The following KCNMA1 variants were observed in gnomAD, a reference collection of about 807,000 sequenced individuals.
KCNMA1 encodes the protein Calcium-activated potassium channel subunit alpha-1.
KCNMA1 carries 29 observed loss-of-function variants against 140.0 expected under a neutral mutation model. That is an observed-to-expected ratio of 0.21 (90% CI 0.15 to 0.28). The LOEUF (loss-of-function observed/expected upper bound fraction) is 0.28. Among genes scored for constraint, KCNMA1 ranks in the 10% least tolerant of loss-of-function variants. The probability of loss-of-function intolerance (pLI) is 1.00; values close to 1 mark genes in which losing one functional copy is unlikely to be tolerated. For synonymous variants in KCNMA1, 612 were observed against 611.9 expected, an observed-to-expected ratio of 1.00 and a Z score of 0.00; for missense variants, 880 against 1,602.2, an observed-to-expected ratio of 0.55 and a Z score of 7.70.
intron 1 of KCNMA1, among the ~76,000 whole-genome samples, chr10:77,491,734 C>CACAT (rs2039968294): frequency 6.6e-6 from 1 of 151,826 alleles, no homozygotes; most frequent in African/African-American, 2.4e-5. Flanking sequence ...CACACACACA[C>CACAT]ACACACACAC....
At chr10:77,473,946 G>A (rs40339) in intron 1 of KCNMA1, among the ~76,000 whole-genome samples, 63,409 of 151,986 alleles carry the variant, frequency 0.42, 13,579 homozygotes, top group East Asian at 0.61. Context: ...GCTCAGCCTC[G>A]CTGCGTTCTG....
rs12569574 is a variant in KCNMA1, at chr10:77,286,799, T to C, written c.541-35543A>G. On this transcript the variant is annotated intron_variant, in intron 2 of 27. Transcript: ENST00000286628. Reference sequence around the variant, plus strand: ...GGGGGGGGGTTCCATTCTTACTTTATGCATCCTCATTTATACACCCTCCTC... The same window carrying C: ...GGGGGGGGGTTCCATTCTTACTTTACGCATCCTCATTTATACACCCTCCTC... 1.4e-3 allele frequency among the ~76,000 whole-genome samples: 206 copies of C among 150,288 alleles called. 3 individuals carry two copies. The East Asian group carries it at 0.036, about 26-fold the overall frequency.
chr10:77,231,684 T>A (rs2199582), intron 3 of KCNMA1, among the ~76,000 whole-genome samples: 1 of 152,112 alleles, frequency 6.6e-6, no homozygotes, highest in South Asian at 2.1e-4. Flanking sequence ...CACACCCCAA[T>A]GGCCTCGGAC....
chr10:77,429,302 A>T (rs991587001), intron 1 of KCNMA1, among the ~76,000 whole-genome samples: 2 of 152,176 alleles, frequency 1.3e-5, no homozygotes, highest in Admixed American at 1.3e-4. Flanking sequence ...CTTTGGCTAG[A>T]TGGATAAACT....
At chr10:77,015,266 C>T (rs967903663) in intron 17 of KCNMA1, among the ~76,000 whole-genome samples, 1 of 152,034 alleles carries the variant, frequency 6.6e-6, no homozygotes, top group Non-Finnish European at 1.5e-5. Context: ...ACCACCTTGA[C>T]CCCCCGGGTG....
chr10:77,496,690 A>G (rs1213521854), intron 1 of KCNMA1, among the ~76,000 whole-genome samples: 2 of 136,568 alleles, frequency 1.5e-5, no homozygotes, highest in East Asian at 2.9e-4. Context: ...TTGTTTACCT[A>G]CTTGATTTCT....
chr10:77,355,494 C>T (rs1044583306), intron 2 of KCNMA1, among the ~76,000 whole-genome samples: 11 of 152,140 alleles, frequency 7.2e-5, no homozygotes, highest in Admixed American at 2.6e-4. Flanking sequence ...TGCCTGGAAA[C>T]GATGCCATTT....
intron 24 of KCNMA1, chr10:76,913,314 C>T (rs1367725430): frequency 1.3e-5 from 2 of 152,108 alleles, no homozygotes; most frequent in East Asian, 3.9e-4. Context: ...TGGGGAAGAA[C>T]CTAACAAATG....
chr10:76,943,625 A>G (rs1177076509), intron 23 of KCNMA1, among the ~76,000 whole-genome samples: 1 of 152,120 alleles, frequency 6.6e-6, no homozygotes. Flanking sequence ...TCCACTTTCC[A>G]AATCTCACCC....
chr10:76,968,839 T>C (rs1426770458), intron 20 of KCNMA1, among the ~76,000 whole-genome samples: 4 of 152,134 alleles, frequency 2.6e-5, no homozygotes, highest in Non-Finnish European at 4.4e-5. Flanking sequence ...CTCAACCACA[T>C]GAAGAAAGAC....
At chr10:77,475,637 T>A (rs1603627577) in intron 1 of KCNMA1, among the ~76,000 whole-genome samples, 1 of 152,238 alleles carries the variant, frequency 6.6e-6, no homozygotes, top group African/African-American at 2.4e-5. Flanking sequence ...CTTGGGTTCT[T>A]ACTTTGACCT....
chr10:77,552,218 TG>T (rs1205204858), intron 1 of KCNMA1, among the ~76,000 whole-genome samples: 4 of 152,192 alleles, frequency 2.6e-5, no homozygotes, highest in Non-Finnish European at 5.9e-5. Context: ...CTGAGGGCCG[TG>T]GCTGCCTGAC....
intron 23 of KCNMA1, among the ~76,000 whole-genome samples, chr10:76,931,990 T>C (rs1232979492): frequency 6.6e-6 from 1 of 152,170 alleles, no homozygotes; most frequent in Non-Finnish European, 1.5e-5. Flanking sequence ...AATAAAATAG[T>C]AAAATTGTAA....
At chr10:77,472,011 TACACCACACACCAC>T (rs200399693) in intron 1 of KCNMA1, among the ~76,000 whole-genome samples, 23,461 of 143,810 alleles carry the variant, frequency 0.16, 2,002 homozygotes, top group African/African-American at 0.23. Flanking sequence ...CACACACACA[TACACCACACACCAC>T]ACACATGACA....
At chr10:77,158,105 T>C (rs2098508970) in intron 5 of KCNMA1, among the ~76,000 whole-genome samples, 1 of 151,900 alleles carries the variant, frequency 6.6e-6, no homozygotes, top group South Asian at 2.1e-4. Flanking sequence ...CAGGAATAAG[T>C]GGAAAGACAG....
intron 3 of KCNMA1, among the ~76,000 whole-genome samples, chr10:77,227,073 A>G (rs2051721816): frequency 6.6e-6 from 1 of 152,166 alleles, no homozygotes; most frequent in Non-Finnish European, 1.5e-5. Flanking sequence ...AGACCATAGC[A>G]TGGAGCTTGT....
intron 12 of KCNMA1, among the ~76,000 whole-genome samples, chr10:77,080,325 G>A (rs2153735555): frequency 6.6e-6 from 1 of 152,332 alleles, no homozygotes; most frequent in East Asian, 1.9e-4. Context: ...CTGTGCAGGA[G>A]CAGTCACAGA....
intron 1 of KCNMA1, among the ~76,000 whole-genome samples, chr10:77,493,165 G>T (rs919713207): frequency 6.6e-6 from 1 of 152,228 alleles, no homozygotes; most frequent in Non-Finnish European, 1.5e-5. Flanking sequence ...TTCTGACAAG[G>T]CTTCCTAAAT....
chr10:77,491,996 G>A (rs1303080202), intron 1 of KCNMA1, among the ~76,000 whole-genome samples: 1 of 152,152 alleles, frequency 6.6e-6, no homozygotes, highest in Non-Finnish European at 1.5e-5. Flanking sequence ...GAGGGAATGG[G>A]CGAGCATCTT....
Sources: gnomAD v4.1 joint callset for allele counts (sites outside exome capture counted in the v4.1 genomes callset) on GRCh38, gnomAD v4.1.1 for gene constraint, MANE v1.5 for transcripts, NCBI Gene and HGNC (gene_info 2026-07-23, HGNC 2026-07-21) for gene names.